Variants in DUSP22 observed in about 807,000 individuals in gnomAD.
The protein encoded by DUSP22 is dual specificity protein phosphatase 22.
Under a neutral mutation model 24.5 loss-of-function variants are expected in DUSP22, and 24 were observed. That is an observed-to-expected ratio of 0.98 (90% CI 0.71 to 1.38). DUSP22 has a LOEUF of 1.38. DUSP22 is among the 40% of genes most tolerant of loss of function. The pLI is 0.00. For synonymous variants in DUSP22, 160 were observed against 106.4 expected, an observed-to-expected ratio of 1.50 and a Z score of -3.10; for missense variants, 330 against 269.2, an observed-to-expected ratio of 1.23 and a Z score of -1.58.
At chr6:341,606 C>CT (rs1304939127) in intron 4 of DUSP22, among the ~76,000 whole-genome samples, 1 of 152,306 alleles carries the variant, frequency 6.6e-6, no homozygotes, top group African/African-American at 2.4e-5. Flanking sequence ...TCAAGCTGCA[C>CT]TGTGGGGCTC....
At chr6:303,101 C>G (rs1199957349) in intron 1 of DUSP22, among the ~76,000 whole-genome samples, 1 of 152,428 alleles carries the variant, frequency 6.6e-6, no homozygotes, top group African/African-American at 2.4e-5. Context: ...ATGATGCTCT[C>G]TAGTGTCTAC....
At chr6:327,007 G>T (rs1322530009) in intron 3 of DUSP22, among the ~76,000 whole-genome samples, 1 of 152,310 alleles carries the variant, frequency 6.6e-6, no homozygotes, top group African/African-American at 2.4e-5. Context: ...GGGGCTTTGG[G>T]GACTTCTGCT....
rs1288648816 is a variant in DUSP22 at position 349,753 on chromosome 6, T to C, written c.*802T>C. The C allele has an allele frequency of 3.0e-6, 3 of 985,944 alleles. No individual in the cohort carries two copies. The highest frequency in any genetic ancestry group is 2.3e-4 in the East Asian group (2 of 8,852). The allele number at this position is 985,944 out of a possible 1,614,324, so 61.1% of individuals were successfully genotyped here. A position where few individuals can be genotyped will look rare whatever the true frequency, so the allele number is the denominator to read the frequency against. On this transcript the variant is annotated 3_prime_UTR_variant, in exon 7 of 7. Coordinates refer to ENST00000419235, the MANE Select transcript of DUSP22 (RefSeq NM_001286555.3). ...ACCAGGCTGAGGGTTCCCTAGCGCC[T>C]TGAGTCAAGGCCACTTTTCAGCCCA...
At position 349,816 on chromosome 6, in the gene DUSP22, G is replaced by A. The variant is rs370607658; in HGVS notation, c.*865G>A. On this transcript the variant is annotated 3_prime_UTR_variant, in exon 7 of 7. Transcript: ENST00000419235. ...TTCTACTTGGTGTTTGTTCTCTGGAGCTGATTGCACTTGAGCTCTGTGGTG... is the reference window on the plus strand; with the variant it reads ...TTCTACTTGGTGTTTGTTCTCTGGAACTGATTGCACTTGAGCTCTGTGGTG... 1.0e-4 allele frequency: 102 copies of A among 985,888 alleles called. No individual in the cohort carries two copies. In the African/African-American group the frequency reaches 1.6e-3, roughly 15 times the overall value. 61.1% of individuals were successfully genotyped at this position (985,888 alleles called of 1,614,324 possible).
intron 2 of DUSP22, among the ~76,000 whole-genome samples, chr6:307,117 G>A (rs1757844548): frequency 1.3e-5 from 2 of 152,308 alleles, no homozygotes; most frequent in African/African-American, 2.4e-5. Flanking sequence ...CCTGGGCGGT[G>A]AATCCAGCTG....
chr6:302,669 G>C (rs112897224), intron 1 of DUSP22, among the ~76,000 whole-genome samples: 8,791 of 149,706 alleles, frequency 0.059, 15 homozygotes, highest in East Asian at 0.11. Flanking sequence ...ACTTTGGGCA[G>C]ATAAACATGC....
At chr6:335,490 T>C (rs1163718772) in intron 4 of DUSP22, among the ~76,000 whole-genome samples, 2 of 152,304 alleles carry the variant, frequency 1.3e-5, no homozygotes, top group African/African-American at 2.4e-5. Flanking sequence ...AAGGATTTGT[T>C]GGGTTCTGTC....
At position 348,973 on chromosome 6, in the gene DUSP22, C is replaced by T. The variant is rs1760031313; in HGVS notation, c.*22C>T. On this transcript the variant is annotated 3_prime_UTR_variant, in exon 7 of 7. Transcript: ENST00000419235. ...CTAACGCAAGCGACCTGCTGCCTTC[C>T]TTCCCACTGCTTGTCTTCAGTGTGC... 2 of 1,560,192 alleles carry T rather than the reference C, an allele frequency of 1.3e-6. No homozygotes were observed. Among genetic ancestry groups the T allele is most frequent in the African/African-American group, 1.4e-5 (1 of 73,484 alleles).
intron 1 of DUSP22, among the ~76,000 whole-genome samples, chr6:298,110 C>G: frequency 6.6e-6 from 1 of 152,426 alleles, no homozygotes. Flanking sequence ...TTCCTCTACA[C>G]CACCCCCCGA....
At chr6:304,153 A>T (rs929435627) in intron 1 of DUSP22, among the ~76,000 whole-genome samples, 3 of 152,310 alleles carry the variant, frequency 2.0e-5, no homozygotes, top group Admixed American at 6.5e-5. Context: ...CAGCATCGCC[A>T]CACAGGGGAC....
intron 5 of DUSP22, among the ~76,000 whole-genome samples, chr6:347,767 T>G (rs1759951351): frequency 6.6e-6 from 1 of 152,422 alleles, no homozygotes; most frequent in African/African-American, 2.4e-5. Flanking sequence ...CTCGTTTCCT[T>G]GGAGTACCTC....
intron 1 of DUSP22, among the ~76,000 whole-genome samples, chr6:304,232 G>T (rs1170688840): frequency 6.6e-6 from 1 of 152,308 alleles, no homozygotes; most frequent in South Asian, 2.1e-4. Flanking sequence ...CCAAGGGTGA[G>T]GTGGGCGGGA....
chr6:319,300 G>A (rs1758478315), intron 3 of DUSP22, among the ~76,000 whole-genome samples: 2 of 152,306 alleles, frequency 1.3e-5, no homozygotes, highest in Admixed American at 1.3e-4. Flanking sequence ...AGGCCTGGCT[G>A]GAAGGTGATC....
chr6:343,523 G>A (rs1422077209), intron 4 of DUSP22, among the ~76,000 whole-genome samples: 1 of 152,286 alleles, frequency 6.6e-6, no homozygotes, highest in African/African-American at 2.4e-5. Flanking sequence ...ATTTACATCT[G>A]GGGGCAGTTA....
chr6:324,517 G>A (rs1351837274), intron 3 of DUSP22, among the ~76,000 whole-genome samples: 1 of 152,306 alleles, frequency 6.6e-6, no homozygotes, highest in Non-Finnish European at 1.5e-5. Flanking sequence ...AAGAGCCGCT[G>A]TTCTCATTTC....
At chr6:340,598 AG>A (rs1759564809) in intron 4 of DUSP22, among the ~76,000 whole-genome samples, 1 of 152,308 alleles carries the variant, frequency 6.6e-6, no homozygotes, top group South Asian at 2.1e-4. Flanking sequence ...CTTATATATA[AG>A]GATGCTTGCC....
chr6:332,400 C>G (rs540362831), intron 3 of DUSP22, among the ~76,000 whole-genome samples: 1 of 152,422 alleles, frequency 6.6e-6, no homozygotes, highest in South Asian at 2.1e-4. Flanking sequence ...TGGTGGTTCC[C>G]AGATGGAGAG....
chr6:300,812 A>T (rs1561647068), intron 1 of DUSP22, among the ~76,000 whole-genome samples: 1 of 152,302 alleles, frequency 6.6e-6, no homozygotes, highest in Non-Finnish European at 1.5e-5. Context: ...AAGCAACAGC[A>T]TCCAAATGTG....
At chr6:308,211 A>T (rs1757910247) in intron 2 of DUSP22, among the ~76,000 whole-genome samples, 2 of 152,116 alleles carry the variant, frequency 1.3e-5, no homozygotes, top group African/African-American at 2.4e-5. Flanking sequence ...CAAAGCGCTA[A>T]GTTCTGCCCC....
Sources: gnomAD v4.1 joint callset for allele counts (sites outside exome capture counted in the v4.1 genomes callset) on GRCh38, gnomAD v4.1.1 for gene constraint, MANE v1.5 for transcripts, NCBI Gene and HGNC (gene_info 2026-07-23, HGNC 2026-07-21) for gene names.